Variants in TRIM11 observed in about 807,000 individuals in gnomAD.
TRIM11 encodes tripartite motif containing 11.
In TRIM11, 15 loss-of-function variants were observed where a neutral mutation model predicts 33.4. The observed-to-expected ratio is 0.45, with a 90% confidence interval of 0.30 to 0.69. The LOEUF (loss-of-function observed/expected upper bound fraction) is 0.69, where lower values mean the gene tolerates loss of function less well. TRIM11 is among the 30% of genes least tolerant of loss of function. The probability of loss-of-function intolerance (pLI) is 0.08; values close to 1 mark genes in which losing one functional copy is unlikely to be tolerated. For synonymous variants in TRIM11, 281 were observed against 302.6 expected (o/e 0.93, Z 0.74); for missense variants, 499 against 667.6 (o/e 0.75, Z 2.78).
chr1:228,406,563 G>T lies in TRIM11; in HGVS notation c.-2C>A. 6.6e-7 allele frequency: 1 copy of T among 1,517,562 alleles called. No homozygotes were observed. The allele number at this position is 1,517,562 out of a possible 1,614,324, so 94.0% of individuals were successfully genotyped here. ...GGTGGACAGGTCGGGGGCGGCCATG[G>T]CGCGGACAGAGGGGAGGAAGGCGGT... is the stretch of plus-strand genomic sequence containing the variant. On this transcript the variant is annotated 5_prime_UTR_variant, in exon 1 of 6. Coordinates refer to ENST00000284551, the MANE Select transcript of TRIM11 (RefSeq NM_145214.3). This position sits in a 1 kb window ranked among gnomAD's most constrained non-coding sequence, Gnocchi z 8.2.
chr1:228,398,372 C>A (rs531687016), intron 3 of TRIM11, among the ~76,000 whole-genome samples: 1 of 152,174 alleles, frequency 6.6e-6, no homozygotes, highest in African/African-American at 2.4e-5. Context: ...GAGGCCAGCA[C>A]TTTGGGAGGC....
At chr1:228,405,068 T>C (rs1352845557) in intron 1 of TRIM11, 1 of 152,222 alleles carries the variant, frequency 6.6e-6, no homozygotes, top group Admixed American at 6.5e-5. Flanking sequence ...TATTGGGCAC[T>C]CTCTGCACCC....
chr1:228,402,919 T>C (rs964077782), intron 1 of TRIM11: 5 of 152,142 alleles, frequency 3.3e-5, no homozygotes, highest in Non-Finnish European at 7.3e-5. Context: ...GGTGTTTTGG[T>C]AGGACAGTCA....
chr1:228,401,303 AC>A lies in TRIM11; in HGVS notation c.505-110del, dbSNP rs1656213244. 7 of 1,346,056 alleles carry A rather than the reference AC, an allele frequency of 5.2e-6. No individual in the cohort carries two copies. Among genetic ancestry groups the A allele is most frequent in the African/African-American group, 4.5e-5 (3 of 67,140 alleles). The allele number at this position is 1,346,056 out of a possible 1,614,324, so 83.4% of individuals were successfully genotyped here. Reference sequence around the variant, plus strand: ...CAGAGGCCTGGCTGCACCCAACCCCACCCCCGGGGCCTGCTAAAGCCAAAGC... The same window carrying A: ...CAGAGGCCTGGCTGCACCCAACCCCACCCCGGGGCCTGCTAAAGCCAAAGC... On this transcript the variant is annotated intron_variant, in intron 2 of 5. Transcript: ENST00000284551. This position sits in a 1 kb window ranked among gnomAD's most constrained non-coding sequence, Gnocchi z 6.1.
Position 228,394,608 on chromosome 1 carries a change from G to C in TRIM11, c.*97C>G, listed in dbSNP as rs535021750. The C allele has an allele frequency of 3.8e-5, 51 of 1,344,584 alleles. No homozygotes were observed. The South Asian group carries it at 5.0e-4, about 13-fold the overall frequency. The allele number at this position is 1,344,584 out of a possible 1,614,324, so 83.3% of individuals were successfully genotyped here. On this transcript the variant is annotated 3_prime_UTR_variant, in exon 6 of 6. Transcript: ENST00000284551. The surrounding 1 kb of genome is among the most constrained non-coding windows in gnomAD (Gnocchi z 6.2). ...CCAGGAGTTCCTCCTCTTGCTCAAA[G>C]GACACACTCCCTCCTCCCAGGTCCT... is the stretch of plus-strand genomic sequence containing the variant.
Position 228,403,183 on chromosome 1 carries a change from C to A in TRIM11, c.409-1022G>T, listed in dbSNP as rs1656291441. 1 of 152,292 alleles carries A rather than the reference C, an allele frequency of 6.6e-6. No homozygotes were observed. The highest frequency in any genetic ancestry group is 1.5e-5 in the Non-Finnish European group (1 of 68,104). 9.4% of individuals were successfully genotyped at this position (152,292 alleles called of 1,614,324 possible). On this transcript the variant is annotated intron_variant, in intron 1 of 5. Coordinates refer to ENST00000284551, the MANE Select transcript of TRIM11 (RefSeq NM_145214.3). This position sits in a 1 kb window ranked among gnomAD's most constrained non-coding sequence, Gnocchi z 4.8. ...GCCCTGAACCCACTTCTCGAAGGGT[C>A]TGCTCACTTCCACCCCATCTGACAC...
rs1396694667 is a variant in TRIM11, at chr1:228,401,723, C to T, written c.504+343G>A. 3.9e-5 allele frequency among the ~76,000 whole-genome samples: 6 copies of T among 152,122 alleles called. No individual in the cohort carries two copies. The highest frequency in any genetic ancestry group is 1.4e-4 in the African/African-American group (6 of 41,418). On this transcript the variant is annotated intron_variant, in intron 2 of 5. Coordinates refer to ENST00000284551, the MANE Select transcript of TRIM11 (RefSeq NM_145214.3). The surrounding 1 kb of genome is among the most constrained non-coding windows in gnomAD (Gnocchi z 6.1). ...CTGGACAGATCCCAAATCTACTCCT[C>T]AGGATGGCTGAATCCCACATCTATG...
Position 228,394,516 on chromosome 1 carries a change from C to G in TRIM11, c.*189G>C. The G allele has an allele frequency of 1.5e-6, 1 of 670,374 alleles. No individual in the cohort carries two copies. Among genetic ancestry groups the G allele is most frequent in the Non-Finnish European group, 2.4e-6 (1 of 414,446 alleles). The allele number at this position is 670,374 out of a possible 1,614,324, so 41.5% of individuals were successfully genotyped here. A position where few individuals can be genotyped will look rare whatever the true frequency, so the allele number is the denominator to read the frequency against. ...GTCTCCCAGGGAGGACGGAGCCTGC[C>G]CCACACTCTCCCACAGTTTCCTGGA... On this transcript the variant is annotated 3_prime_UTR_variant, in exon 6 of 6. Transcript: ENST00000284551. This position sits in a 1 kb window ranked among gnomAD's most constrained non-coding sequence, Gnocchi z 6.2.
At position 228,395,387 on chromosome 1, in the gene TRIM11, A is replaced by C; in HGVS notation, c.860-135T>G. 1.1e-6 allele frequency: 1 copy of C among 898,078 alleles called. No homozygotes were observed. The highest frequency in any genetic ancestry group is 1.5e-6 in the Non-Finnish European group (1 of 662,372). The allele number at this position is 898,078 out of a possible 1,614,324, so 55.6% of individuals were successfully genotyped here. ...TCTGCCCTGGGCCTGTAGCCTCACAACCTCCTGGAGTAACTAACTGTCTCC... is the reference window on the plus strand; with the variant it reads ...TCTGCCCTGGGCCTGTAGCCTCACACCCTCCTGGAGTAACTAACTGTCTCC... On this transcript the variant is annotated intron_variant, in intron 5 of 5. Transcript: ENST00000284551. The surrounding 1 kb of genome is among the most constrained non-coding windows in gnomAD (Gnocchi z 4.8).
In TRIM11 at chr1:228,397,125, G is replaced by A. The variant is rs2074993420; in HGVS notation, c.758+18C>T. ...CCACTCCCTCCTGCCCCCCCTCCAG[G>A]AGAGGCTGGGTTCGTACCTGCGCAG... On this transcript the variant is annotated intron_variant, in intron 4 of 5. Transcript: ENST00000284551. 11 of 1,613,796 alleles carry A rather than the reference G, an allele frequency of 6.8e-6. No individual in the cohort carries two copies. The highest frequency in any genetic ancestry group is 2.7e-5 in the African/African-American group (2 of 74,908).
chr1:228,403,011 T>A lies in TRIM11; in HGVS notation c.409-850A>T, dbSNP rs939289704. ...CTTGTGCATTTTCAGCTTCATCAGC[T>A]ATCACTGTAATAAGCTCCAGGATGG... On this transcript the variant is annotated intron_variant, in intron 1 of 5. Transcript: ENST00000284551. The surrounding 1 kb of genome is among the most constrained non-coding windows in gnomAD (Gnocchi z 4.8). The A allele has an allele frequency of 1.1e-4, 17 of 152,254 alleles. No homozygotes were observed. The highest frequency in any genetic ancestry group is 4.1e-4 in the African/African-American group (17 of 41,448). 9.4% of individuals were successfully genotyped at this position (152,254 alleles called of 1,614,324 possible).
At position 228,400,620 on chromosome 1, in the gene TRIM11, C is replaced by T. The variant is rs1282583525; in HGVS notation, c.735+344G>A. ...ATCCTATGGGAGGCCCAAGGTGGTC[C>T]CAGCGAGCACATGCCCACTCTGCTG... On this transcript the variant is annotated intron_variant, in intron 3 of 5. Coordinates refer to ENST00000284551, the MANE Select transcript of TRIM11 (RefSeq NM_145214.3). This position sits in a 1 kb window ranked among gnomAD's most constrained non-coding sequence, Gnocchi z 4.5. Among the ~76,000 whole-genome samples, 1 of 152,164 alleles carries T rather than the reference C, an allele frequency of 6.6e-6. No individual in the cohort carries two copies. The highest frequency in any genetic ancestry group is 6.5e-5 in the Admixed American group (1 of 15,290).
chr1:228,396,805 G>A (rs1345601194), intron 5 of TRIM11, 142 bp downstream of exon 5: 1 of 776,820 alleles, frequency 1.3e-6, no homozygotes, highest in Non-Finnish European at 2.3e-6. Flanking sequence ...ATGAGCAGAG[G>A]ACGTTTTCCC....
chr1:228,394,677 C>A lies in TRIM11; in HGVS notation c.*28G>T. The A allele has an allele frequency of 6.4e-7, 1 of 1,559,872 alleles. No individual in the cohort carries two copies. The highest frequency in any genetic ancestry group is 1.2e-5 in the South Asian group (1 of 83,698). ...CAGTGGCCTGGAGGGGCAGGAGAGGCAACAGGACTCCTCCAGGAGGGCCCG... is the reference window on the plus strand; with the variant it reads ...CAGTGGCCTGGAGGGGCAGGAGAGGAAACAGGACTCCTCCAGGAGGGCCCG... On this transcript the variant is annotated 3_prime_UTR_variant, in exon 6 of 6. Transcript: ENST00000284551. The surrounding 1 kb of genome is among the most constrained non-coding windows in gnomAD (Gnocchi z 6.2).
At position 228,394,374 on chromosome 1, in the gene TRIM11, C is replaced by T. The variant is rs1428216502; in HGVS notation, c.*331G>A. The T allele has an allele frequency of 5.8e-6, 2 of 342,852 alleles. No homozygotes were observed. Among genetic ancestry groups the T allele is most frequent in the Non-Finnish European group, 1.1e-5 (2 of 189,032 alleles). 21.2% of individuals were successfully genotyped at this position (342,852 alleles called of 1,614,324 possible). A position where few individuals can be genotyped will look rare whatever the true frequency, so the allele number is the denominator to read the frequency against. ...CAGCTTAGGTGAACCCTGGATTCTG[C>T]AAGCCCCAGTGGAGTTTTCTCAGCT... On this transcript the variant is annotated 3_prime_UTR_variant, in exon 6 of 6. Transcript: ENST00000284551. The surrounding 1 kb of genome is among the most constrained non-coding windows in gnomAD (Gnocchi z 6.2).
At position 228,394,745 on chromosome 1, in the gene TRIM11, C is replaced by T. The variant is rs930772507; in HGVS notation, c.1367G>A (p.Arg456Gln). 8.1e-6 allele frequency: 13 copies of T among 1,611,464 alleles called. No individual in the cohort carries two copies. Among genetic ancestry groups the T allele is most frequent in the East Asian group, 4.5e-5 (2 of 44,784 alleles). Residue 456 changes from arginine (R) to glutamine (Q), a missense_variant, in exon 6 of 6, where the codon CGG becomes CAG. Physicochemically the swap from Arg to Gln is conservative, Grantham distance 43. Transcript: ENST00000284551. The surrounding 1 kb of genome is among the most constrained non-coding windows in gnomAD (Gnocchi z 6.2). ...SSSPTPMTIC[R>Q]PKGGSGDTLA... The stretch of plus-strand genomic sequence containing the variant: ...GGTGTCCCCGGACCCACCTTTCGGC[C>T]GGCAGATAGTCATCGGGGTCGGGCT...
chr1:228,396,893 C>A, intron 5 of TRIM11, 54 bp downstream of exon 5: 1 of 1,562,666 alleles, frequency 6.4e-7, no homozygotes. Context: ...CTGCCCAGGT[C>A]CTTGGCAGGT....
Position 228,397,042 on chromosome 1 carries a change from T to G in TRIM11, c.764A>C (p.Gln255Pro). 1 of 1,613,912 alleles carries G rather than the reference T, an allele frequency of 6.2e-7. No individual in the cohort carries two copies. Among genetic ancestry groups the G allele is most frequent in the Non-Finnish European group, 8.5e-7 (1 of 1,179,880 alleles). ...QDIKDALRRVQDVKLQPPEVV... is the reference protein window; with the variant it reads ...QDIKDALRRVPDVKLQPPEVV... Reference sequence around the variant, plus strand: ...TTCTGGGGGCTGCAGCTTCACATCCTGGACCCTAGAGGGGACAACCCAGGT... The same window carrying G: ...TTCTGGGGGCTGCAGCTTCACATCCGGGACCCTAGAGGGGACAACCCAGGT... Residue 255 changes from glutamine to proline, a missense_variant, in exon 5 of 6, where the codon CAG (glutamine) becomes CCG (proline). Gln to Pro is a moderately conservative substitution (Grantham distance 76). Transcript: ENST00000284551.
Position 228,406,599 on chromosome 1 carries a change from G to A in TRIM11, c.-38C>T, listed in dbSNP as rs1656427110. 7.2e-7 allele frequency: 1 copy of A among 1,398,022 alleles called. No individual in the cohort carries two copies. Among genetic ancestry groups the A allele is most frequent in the Non-Finnish European group, 9.3e-7 (1 of 1,076,986 alleles). The allele number at this position is 1,398,022 out of a possible 1,614,324, so 86.6% of individuals were successfully genotyped here. A position where few individuals can be genotyped will look rare whatever the true frequency, so the allele number is the denominator to read the frequency against. On this transcript the variant is annotated 5_prime_UTR_variant, in exon 1 of 6. Coordinates refer to ENST00000284551, the MANE Select transcript of TRIM11 (RefSeq NM_145214.3). This position sits in a 1 kb window ranked among gnomAD's most constrained non-coding sequence, Gnocchi z 8.2. ...GGGGAGGAAGGCGGTACTGTCCGCG[G>A]GGCGGCGGCGGGCGGCCTCGGCAGC...
Sources: gnomAD v4.1 joint callset for allele counts (sites outside exome capture counted in the v4.1 genomes callset) on GRCh38, gnomAD v4.1.1 for gene constraint, Gnocchi (gnomAD v3.1) non-coding constraint, MANE v1.5 for transcripts, NCBI Gene and HGNC (gene_info 2026-07-23, HGNC 2026-07-21) for gene names.